Variants in TRPC5OS observed in about 807,000 individuals in gnomAD.
The protein encoded by TRPC5OS is putative uncharacterized protein TRPC5OS.
For missense variants in TRPC5OS, 64 were observed against 79.3 expected, an observed-to-expected ratio of 0.81 and a Z score of 0.73; for synonymous variants, 30 against 29.3, an observed-to-expected ratio of 1.02 and a Z score of -0.08.
chrX:111,878,576 T>G (rs1924064310), intron 1 of TRPC5OS, among the ~76,000 whole-genome samples: 1 of 111,906 alleles, frequency 8.9e-6, no homozygotes, highest in Admixed American at 9.5e-5. Context: ...GACTGTTCTG[T>G]GTACTGTAGG....
Position 111,903,112 on chromosome X carries a change from G to A in TRPC5OS, c.*927G>A, listed in dbSNP as rs1051395547. The A allele has an allele frequency of 5.4e-5, 6 of 111,569 alleles. No individual in the cohort carries two copies. The highest frequency in any genetic ancestry group is 2.0e-4 in the African/African-American group (6 of 30,715). The allele number at this position is 111,569 out of a possible 1,213,427, so 9.2% of individuals were successfully genotyped here. A position where few individuals can be genotyped will look rare whatever the true frequency, so the allele number is the denominator to read the frequency against. On this transcript the variant is annotated 3_prime_UTR_variant, in exon 4 of 4. Transcript: ENST00000635763. ...CTTGTTTTCCTGGGTCACCTGAACA[G>A]ATTGTACTGTAATGGTACCTCAGGA...
At chrX:111,881,043 T>C (rs1300123256) in intron 1 of TRPC5OS, among the ~76,000 whole-genome samples, 2 of 112,280 alleles carry the variant, frequency 1.8e-5, no homozygotes, top group African/African-American at 6.5e-5. Flanking sequence ...TCTTCTAAAA[T>C]GCCAATTGCA....
chrX:111,891,738 G>A (rs952991165), intron 1 of TRPC5OS, among the ~76,000 whole-genome samples: 1 of 110,461 alleles, frequency 9.1e-6, no homozygotes, highest in African/African-American at 3.3e-5. Context: ...TTGTAGAGAC[G>A]GGATTTCACT....
chrX:111,894,708 G>A (rs1258353503), intron 1 of TRPC5OS, among the ~76,000 whole-genome samples: 2 of 106,996 alleles, frequency 1.9e-5, no homozygotes, highest in Non-Finnish European at 3.8e-5. Flanking sequence ...ATAGGATGTA[G>A]GCCTAAAATT....
intron 3 of TRPC5OS, among the ~76,000 whole-genome samples, chrX:111,897,808 C>CT (rs771775619): frequency 9.0e-6 from 1 of 111,305 alleles, no homozygotes. Flanking sequence ...GCTCTTTCTA[C>CT]TTTTTGGTGA....
intron 3 of TRPC5OS, among the ~76,000 whole-genome samples, chrX:111,897,750 G>T (rs1489244799): frequency 3.6e-5 from 4 of 111,256 alleles, no homozygotes. Flanking sequence ...CACATTGTGT[G>T]AATATACCAC....
chrX:111,897,715 C>A (rs1242721767), intron 3 of TRPC5OS, among the ~76,000 whole-genome samples: 2 of 111,363 alleles, frequency 1.8e-5, no homozygotes, highest in African/African-American at 6.5e-5. Flanking sequence ...TCAGTAGTGC[C>A]TTTCTTTTTA....
intron 1 of TRPC5OS, among the ~76,000 whole-genome samples, chrX:111,881,619 G>C (rs1401347588): frequency 9.0e-6 from 1 of 111,478 alleles, no homozygotes; most frequent in Non-Finnish European, 1.9e-5. Context: ...TTTCTTGGGG[G>C]TGTCAATTCA....
At chrX:111,898,452 CCT>C (rs1339037549) in intron 3 of TRPC5OS, among the ~76,000 whole-genome samples, 1 of 108,616 alleles carries the variant, frequency 9.2e-6, no homozygotes, top group Admixed American at 9.9e-5. Flanking sequence ...TTTTGTATCC[CCT>C]GTTTCCCACA....
chrX:111,893,082 T>G (rs1371944007), intron 1 of TRPC5OS, among the ~76,000 whole-genome samples: 1 of 108,532 alleles, frequency 9.2e-6, no homozygotes, highest in African/African-American at 3.4e-5. Flanking sequence ...ATATAGGGTT[T>G]TTTTTTTTTT....
At chrX:111,899,814 C>T (rs1289535312) in intron 3 of TRPC5OS, among the ~76,000 whole-genome samples, 1 of 111,581 alleles carries the variant, frequency 9.0e-6, no homozygotes, top group Non-Finnish European at 1.9e-5. Flanking sequence ...TATTTTCTTA[C>T]ATGAGACGTT....
intron 1 of TRPC5OS, among the ~76,000 whole-genome samples, chrX:111,877,322 A>G (rs943538351): frequency 1.8e-5 from 2 of 112,085 alleles, no homozygotes; most frequent in Admixed American, 9.5e-5. Context: ...TATCTCTGCT[A>G]CAAAATGATG....
At chrX:111,885,636 T>C (rs1416522233) in intron 1 of TRPC5OS, among the ~76,000 whole-genome samples, 2 of 110,498 alleles carry the variant, frequency 1.8e-5, no homozygotes, top group Non-Finnish European at 3.8e-5. Flanking sequence ...TTGATTATTA[T>C]GGCATCCACT....
At chrX:111,889,644 T>C (rs920429287) in intron 1 of TRPC5OS, among the ~76,000 whole-genome samples, 4 of 111,596 alleles carry the variant, frequency 3.6e-5, no homozygotes, top group Non-Finnish European at 7.5e-5. Context: ...CTTAGAAACT[T>C]TGGGAGGTAG....
chrX:111,877,492 G>T (rs1237384643), intron 1 of TRPC5OS, among the ~76,000 whole-genome samples: 2 of 111,012 alleles, frequency 1.8e-5, no homozygotes, highest in African/African-American at 6.6e-5. Flanking sequence ...TAAACCTCAA[G>T]TTTAGGATAT....
chrX:111,888,184 C>A (rs768452745), intron 1 of TRPC5OS, among the ~76,000 whole-genome samples: 2 of 111,377 alleles, frequency 1.8e-5, no homozygotes, highest in Non-Finnish European at 3.8e-5. Flanking sequence ...TGAGGAATGA[C>A]AGACCAGAGC....
intron 1 of TRPC5OS, among the ~76,000 whole-genome samples, chrX:111,877,155 T>C (rs1223265933): frequency 1.8e-5 from 2 of 111,723 alleles, no homozygotes; most frequent in African/African-American, 6.5e-5. Flanking sequence ...TGTAATTGTA[T>C]AGGTTAGAGG....
At position 111,902,764 on chromosome X, in the gene TRPC5OS, G is replaced by A. The variant is rs1426959598; in HGVS notation, c.*579G>A. On this transcript the variant is annotated 3_prime_UTR_variant, in exon 4 of 4. Coordinates refer to ENST00000635763, the MANE Select transcript of TRPC5OS (RefSeq NM_001195578.2). Reference sequence around the variant, plus strand: ...GTACTATCTACCAGATAATAAAAGTGAAGAAAGGTTTTCAAATGACTGTTG... The same window carrying A: ...GTACTATCTACCAGATAATAAAAGTAAAGAAAGGTTTTCAAATGACTGTTG... The A allele has an allele frequency of 8.9e-6, 1 of 112,114 alleles. No homozygotes were observed. The highest frequency in any genetic ancestry group is 1.9e-5 in the Non-Finnish European group (1 of 53,190). 9.2% of individuals were successfully genotyped at this position (112,114 alleles called of 1,213,427 possible).
chrX:111,885,914 C>T (rs1006571835), intron 1 of TRPC5OS, among the ~76,000 whole-genome samples: 1 of 111,704 alleles, frequency 9.0e-6, no homozygotes, highest in South Asian at 3.8e-4. Context: ...CTTAAGTGAA[C>T]TAAGGCAAGA....
Sources: allele counts gnomAD v4.1 joint callset (sites outside exome capture counted in the v4.1 genomes callset), GRCh38; gene constraint gnomAD v4.1.1; transcripts MANE v1.5; gene names NCBI Gene and HGNC (gene_info 2026-07-23, HGNC 2026-07-21).